The following TRIOBP variants were observed in gnomAD, a reference collection of about 807,000 sequenced individuals.
TRIOBP encodes TRIO and F-actin-binding protein.
TRIOBP carries 169 observed loss-of-function variants against 238.8 expected under a neutral mutation model. That is an observed-to-expected ratio of 0.71 (90% CI 0.62 to 0.80). The LOEUF is 0.80. Ranked by LOEUF, TRIOBP falls within the 30% of genes least tolerant of loss-of-function variation. TRIOBP has a pLI of 0.00. For missense variants in TRIOBP, 2,838 were observed against 3,122.6 expected (o/e 0.91, Z 2.17); for synonymous variants, 1,150 against 1,274.4 (o/e 0.90, Z 2.08).
intron 21 of TRIOBP, among the ~76,000 whole-genome samples, chr22:37,771,373 C>G (rs118079729): frequency 6.6e-6 from 1 of 152,140 alleles, no homozygotes; most frequent in Non-Finnish European, 1.5e-5. Flanking sequence ...ATCTCACTCC[C>G]GAGGTGAGAG....
chr22:37,736,132 C>T (rs743834), intron 9 of TRIOBP, among the ~76,000 whole-genome samples: 1,814 of 152,262 alleles, frequency 0.012, 42 homozygotes, highest in African/African-American at 0.042. Flanking sequence ...AGTAGGTGCT[C>T]GCCCTTCCCC....
intron 17 of TRIOBP, among the ~76,000 whole-genome samples, chr22:37,763,430 T>C (rs933574054): frequency 2.0e-5 from 3 of 152,138 alleles, no homozygotes; most frequent in Non-Finnish European, 2.9e-5. Flanking sequence ...CAGACACCCC[T>C]GTCGCCACAT....
intron 11 of TRIOBP, among the ~76,000 whole-genome samples, chr22:37,743,124 G>C (rs145432525): frequency 7.4e-4 from 112 of 152,298 alleles, no homozygotes; most frequent in African/African-American, 2.7e-3. Flanking sequence ...GGCAACCGAG[G>C]CTTGGTGAGG....
Position 37,713,368 on chromosome 22 carries a change from C to T in TRIOBP, c.413C>T (p.Pro138Leu), listed in dbSNP as rs914842730. 6 of 1,613,778 alleles carry T rather than the reference C, an allele frequency of 3.7e-6. No individual in the cohort carries two copies. The highest frequency in any genetic ancestry group is 5.1e-6 in the Non-Finnish European group (6 of 1,180,008). Residue 138 changes from proline (P) to leucine (L), a missense_variant, in exon 5 of 24, where the codon CCT becomes CTT. Transcript: ENST00000644935. ...EDPGSDPTSSPDSATPDDTSN... is the reference protein window; with the variant it reads ...EDPGSDPTSSLDSATPDDTSN... Reference sequence around the variant, plus strand: ...CCCGGCTCTGACCCCACCTCCAGCCCTGACTCCGCCACCCCTGATGATACC... The same window carrying T: ...CCCGGCTCTGACCCCACCTCCAGCCTTGACTCCGCCACCCCTGATGATACC...
chr22:37,707,679 C>G (rs967531735), intron 3 of TRIOBP, among the ~76,000 whole-genome samples: 1 of 151,874 alleles, frequency 6.6e-6, no homozygotes, highest in Non-Finnish European at 1.5e-5. Flanking sequence ...TGGTGGCTCA[C>G]GTCTGTAATC....
chr22:37,718,778 C>A (rs530503417), intron 6 of TRIOBP, among the ~76,000 whole-genome samples: 20 of 151,320 alleles, frequency 1.3e-4, no homozygotes, highest in Middle Eastern at 3.4e-3. Context: ...CATGTGTGAG[C>A]CCATTGGGAT....
At chr22:37,759,905 CAA>C in intron 17 of TRIOBP, 1 of 360,412 alleles carries the variant, frequency 2.8e-6, no homozygotes, top group Non-Finnish European at 4.3e-6. Context: ...CCAATAAAAA[CAA>C]TGCTTAGTAC....
rs373745908 is a variant in TRIOBP at position 37,740,908 on chromosome 22, C to T, written c.5198C>T (p.Pro1733Leu). The T allele has an allele frequency of 4.2e-5, 66 of 1,574,172 alleles. No individual in the cohort carries two copies. The highest frequency in any genetic ancestry group is 1.7e-4 in the Middle Eastern group (1 of 6,028). Residue 1733 changes from proline (P) to leucine (L), a missense_variant, in exon 11 of 24, where the codon CCA becomes CTA. By Grantham distance (98) the Pro-to-Leu change is moderately conservative. This residue lies in a region of TRIOBP where 2,096 missense variants were observed against 2,137.4 expected (regional missense o/e 0.98). Transcript: ENST00000644935. ...QKQADSADKR[P>L]AEGKAGSPLK... ...CCTGTTTGACAGGCAGACAAGAGGC[C>T]AGCAGAGGGCAAGGCTGGGAGCCCG...
intron 5 of TRIOBP, among the ~76,000 whole-genome samples, chr22:37,713,881 A>G (rs1320492455): frequency 6.6e-6 from 1 of 152,234 alleles, no homozygotes; most frequent in African/African-American, 2.4e-5. Flanking sequence ...AAGAGCCAGC[A>G]GTCTTTCCTC....
intron 15 of TRIOBP, among the ~76,000 whole-genome samples, chr22:37,756,452 A>T (rs1180892878): frequency 6.6e-6 from 1 of 152,222 alleles, no homozygotes; most frequent in African/African-American, 2.4e-5. Flanking sequence ...CAGAGTCCCC[A>T]TCTGTCACGT....
At chr22:37,770,776 G>C (rs941947698) in intron 21 of TRIOBP, among the ~76,000 whole-genome samples, 11 of 149,406 alleles carry the variant, frequency 7.4e-5, no homozygotes, top group Non-Finnish European at 1.3e-4. Context: ...TCCGCCTCTC[G>C]GGTTCATGCC....
rs755403596 is a variant in TRIOBP, at chr22:37,768,155, A to G, written c.6554A>G (p.Asp2185Gly). ...SKTRSLQQGP[D>G]GLRKQHQSDV... Reference sequence around the variant, plus strand: ...ACACGGAGTCTCCAGCAGGGCCCGGATGGCCTCCGGAAGCAGCACCAGTAA... The same window carrying G: ...ACACGGAGTCTCCAGCAGGGCCCGGGTGGCCTCCGGAAGCAGCACCAGTAA... The change falls in exon 19 of 24, where the codon GAT (aspartate) becomes GGT (glycine). Residue 2185 changes from aspartate to glycine, a missense_variant. Coordinates refer to ENST00000644935, the MANE Select transcript of TRIOBP (RefSeq NM_001039141.3). 6.2e-7 allele frequency: 1 copy of G among 1,613,014 alleles called. No homozygotes were observed. The highest frequency in any genetic ancestry group is 1.1e-5 in the South Asian group (1 of 90,808).
chr22:37,725,669 T>G lies in TRIOBP; in HGVS notation c.3113T>G (p.Phe1038Cys). ...CCTCGCTATTTGCAGCACGACCCCT[T>G]CCCCTTCTTCCCAGAGCCCCGCGCC... is the stretch of plus-strand genomic sequence containing the variant. ...SPPRYLQHDP[F>C]PFFPEPRAPE... The change falls in exon 7 of 24, where the codon TTC (phenylalanine) becomes TGC (cysteine). Residue 1038 changes from phenylalanine (F) to cysteine (C), a missense_variant. Phe to Cys is a radical substitution (Grantham distance 205). Transcript: ENST00000644935. 2 of 1,611,452 alleles carry G rather than the reference T, an allele frequency of 1.2e-6. No individual in the cohort carries two copies. Among genetic ancestry groups the G allele is most frequent in the Non-Finnish European group, 1.7e-6 (2 of 1,179,342 alleles).
chr22:37,743,827 G>GC (rs1925068129), intron 11 of TRIOBP, among the ~76,000 whole-genome samples: 1 of 127,648 alleles, frequency 7.8e-6, no homozygotes, highest in South Asian at 2.6e-4. Context: ...GTGTGTGTGT[G>GC]TGTGTGTGTG....
chr22:37,701,403 T>G lies in TRIOBP; in HGVS notation c.38T>G (p.Phe13Cys). Residue 13 changes from phenylalanine (F) to cysteine (C), a missense_variant, in exon 3 of 24, where the codon TTT becomes TGT. By Grantham distance (205) the Phe-to-Cys change is radical. Transcript: ENST00000644935. ...CCTGGGGATGCCCTGTGTGAACACT[T>G]TGAGGCCAACATACTTACCCAGAAC... ...EVPGDALCEHFEANILTQNRC... is the reference protein window; with the variant it reads ...EVPGDALCEHCEANILTQNRC... The G allele has an allele frequency of 6.2e-7, 1 of 1,613,840 alleles. No homozygotes were observed. Among genetic ancestry groups the G allele is most frequent in the Non-Finnish European group, 8.5e-7 (1 of 1,179,950 alleles).
intron 5 of TRIOBP, 65 bp downstream of exon 5, chr22:37,713,476 C>T: frequency 1.3e-6 from 2 of 1,568,584 alleles, no homozygotes; most frequent in East Asian, 2.2e-5. Context: ...GCCCTGGGTC[C>T]CACCTAAACC....
At chr22:37,759,009 C>G in intron 16 of TRIOBP, 145 bp from the exon 17 acceptor site, 1 of 700,850 alleles carries the variant, frequency 1.4e-6, no homozygotes, top group South Asian at 1.7e-5. Flanking sequence ...GCTGCTTGCC[C>G]TTCTCAAACC....
intron 2 of TRIOBP, among the ~76,000 whole-genome samples, chr22:37,699,840 C>T (rs1379295383): frequency 6.7e-6 from 1 of 148,956 alleles, no homozygotes; most frequent in Non-Finnish European, 1.5e-5. Flanking sequence ...TGCGCCTGGC[C>T]AGGAATCGCT....
In TRIOBP at chr22:37,755,189, A is replaced by G; in HGVS notation, c.5576A>G (p.His1859Arg). The change falls in exon 14 of 24, where the codon CAC becomes CGC. Residue 1859 changes from histidine to arginine, a missense_variant and splice_region_variant. Physicochemically the swap from His to Arg is conservative, Grantham distance 29. Transcript: ENST00000644935. ...AVQRNYGFQI[H>R]TKDAVYTLSA... The stretch of plus-strand genomic sequence containing the variant: ...CAGCGCAACTATGGCTTCCAGATCC[A>G]CGTGAGGCTGTGTGCAGCTTGGGGG... 1.2e-6 allele frequency: 2 copies of G among 1,611,098 alleles called. No individual in the cohort carries two copies. The highest frequency in any genetic ancestry group is 1.7e-6 in the Non-Finnish European group (2 of 1,178,690).
Sources: gnomAD v4.1 joint callset for allele counts (sites outside exome capture counted in the v4.1 genomes callset) on GRCh38, gnomAD v4.1.1 for gene constraint, gnomAD v4.1.1 regional missense constraint, MANE v1.5 for transcripts, NCBI Gene and HGNC (gene_info 2026-07-23, HGNC 2026-07-21) for gene names.